Variants in CREB5 observed in about 807,000 individuals in gnomAD.
The protein encoded by CREB5 is cAMP responsive element binding protein 5.
CREB5 carries 19 observed loss-of-function variants against 57.1 expected under a neutral mutation model. The ratio of observed to expected loss-of-function variants is 0.33; its 90% CI spans 0.23 to 0.49. CREB5 has a LOEUF of 0.49. CREB5 is among the 20% of genes least tolerant of loss of function. The pLI, the probability that CREB5 is intolerant of heterozygous loss-of-function variation, is 0.99. For missense variants in CREB5, 579 were observed against 671.6 expected (o/e 0.86, Z 1.52); for synonymous variants, 238 against 238.3 (o/e 1.00, Z 0.01).
intron 1 of CREB5, among the ~76,000 whole-genome samples, chr7:28,464,917 T>C (rs1660546218): frequency 6.6e-6 from 1 of 152,212 alleles, no homozygotes; most frequent in African/African-American, 2.4e-5. Context: ...AAGTTCTATG[T>C]TATTCTGGAA....
intron 1 of CREB5, among the ~76,000 whole-genome samples, chr7:28,459,343 A>G (rs1790249916): frequency 1.3e-5 from 2 of 152,200 alleles, no homozygotes; most frequent in Non-Finnish European, 2.9e-5. Context: ...CTGGGTTGGA[A>G]GAGTGGGAAA....
chr7:28,539,523 GT>G (rs1794117127), intron 4 of CREB5, among the ~76,000 whole-genome samples: 1 of 152,198 alleles, frequency 6.6e-6, no homozygotes, highest in Non-Finnish European at 1.5e-5. Flanking sequence ...GCAACAGCCT[GT>G]TATCTGGTTC....
intron 7 of CREB5, among the ~76,000 whole-genome samples, chr7:28,801,180 A>T (rs146610166): frequency 9.8e-4 from 150 of 152,368 alleles, no homozygotes; most frequent in East Asian, 8.5e-3. Context: ...TGTGCAAAGC[A>T]AATGTCTGAG....
intron 5 of CREB5, among the ~76,000 whole-genome samples, chr7:28,637,978 G>A (rs1228082733): frequency 1.3e-5 from 2 of 152,108 alleles, no homozygotes; most frequent in Non-Finnish European, 2.9e-5. Context: ...GCTTGACATC[G>A]TTTTTGGTGA....
chr7:28,453,991 T>C (rs1280786436), intron 1 of CREB5, among the ~76,000 whole-genome samples: 1 of 149,552 alleles, frequency 6.7e-6, no homozygotes, highest in African/African-American at 2.5e-5. Context: ...TCTCGCTCTG[T>C]CGCCCAGGCT....
chr7:28,684,685 A>G (rs1024309884), intron 5 of CREB5, among the ~76,000 whole-genome samples: 3 of 152,208 alleles, frequency 2.0e-5, no homozygotes, highest in Admixed American at 6.5e-5. Flanking sequence ...TTCATTGGCC[A>G]CAAAAGGCAT....
At chr7:28,649,902 T>C (rs1420836186) in intron 5 of CREB5, among the ~76,000 whole-genome samples, 2 of 152,224 alleles carry the variant, frequency 1.3e-5, no homozygotes, top group African/African-American at 2.4e-5. Context: ...AGTTGATTAC[T>C]AGAAAACACT....
intron 5 of CREB5, among the ~76,000 whole-genome samples, chr7:28,610,628 C>T (rs1464580221): frequency 6.6e-6 from 1 of 152,092 alleles, no homozygotes; most frequent in African/African-American, 2.4e-5. Context: ...AAATGGATGG[C>T]TGAGCTGCTA....
chr7:28,370,457 G>T (rs964033463), intron 1 of CREB5, among the ~76,000 whole-genome samples: 1 of 152,122 alleles, frequency 6.6e-6, no homozygotes, highest in East Asian at 1.9e-4. Flanking sequence ...TAAAAGTGAC[G>T]TTCTGGTTCA....
In CREB5 at chr7:28,669,336, G is replaced by C. The variant is rs1583512036; in HGVS notation, c.465-49417G>C. ...TACTTTGATTTGTTAGCAATTGAGA[G>C]CTTGTGTTTTGAGCAAGGGAATAAA... On this transcript the variant is annotated intron_variant, in intron 5 of 10. Transcript: ENST00000357727. 2.0e-5 allele frequency among the ~76,000 whole-genome samples: 3 copies of C among 152,326 alleles called. 1 individual carries two copies.
chr7:28,372,250 G>A (rs1440842763), intron 1 of CREB5, among the ~76,000 whole-genome samples: 1 of 152,176 alleles, frequency 6.6e-6, no homozygotes, highest in African/African-American at 2.4e-5. Flanking sequence ...GTAAAATGCA[G>A]CAAGTAATAT....
chr7:28,765,675 A>G (rs1204367780), intron 7 of CREB5, among the ~76,000 whole-genome samples: 3 of 152,264 alleles, frequency 2.0e-5, no homozygotes, highest in Non-Finnish European at 4.4e-5. Context: ...ATGGCTGCAG[A>G]GAAGAAATCT....
intron 3 of CREB5, 130 bp from the exon 4 acceptor site, chr7:28,507,486 G>T: frequency 9.2e-7 from 1 of 1,087,064 alleles, no homozygotes; most frequent in Admixed American, 2.4e-5. Flanking sequence ...TATTTAAAGG[G>T]CCAAGAGACT....
rs533378530 is a variant in CREB5 at position 28,795,209 on chromosome 7, G to A, written c.703-8990G>A. On this transcript the variant is annotated intron_variant, in intron 7 of 10. Transcript: ENST00000357727. ...ACACCCTTCTGTTACATATATGTTA[G>A]CCCCAAGCTATATCTCCTCTAAGCT... Among the ~76,000 whole-genome samples the A allele has an allele frequency of 2.0e-5, 3 of 152,262 alleles. No homozygotes were observed. In the South Asian group the frequency reaches 6.2e-4, roughly 32 times the overall value.
chr7:28,309,442 C>T (rs1785239100), intron 1 of CREB5, among the ~76,000 whole-genome samples: 1 of 152,140 alleles, frequency 6.6e-6, no homozygotes, highest in Non-Finnish European at 1.5e-5. Flanking sequence ...CTGGCACATG[C>T]TTCTGATTTG....
At chr7:28,393,958 C>G (rs906773748) in intron 1 of CREB5, among the ~76,000 whole-genome samples, 30 of 151,346 alleles carry the variant, frequency 2.0e-4, no homozygotes, top group African/African-American at 6.8e-4. Context: ...ACCTGTAGTC[C>G]CAGTTACTGG....
intron 1 of CREB5, among the ~76,000 whole-genome samples, chr7:28,313,302 T>A (rs1226978567): frequency 6.6e-6 from 1 of 152,244 alleles, no homozygotes; most frequent in Admixed American, 6.5e-5. Context: ...ACACACTTAA[T>A]CTGATGGAAA....
At chr7:28,744,501 C>T (rs1164337806) in intron 7 of CREB5, among the ~76,000 whole-genome samples, 6 of 151,952 alleles carry the variant, frequency 3.9e-5, no homozygotes, top group Non-Finnish European at 8.8e-5. Flanking sequence ...GTACACACCA[C>T]CACGCCCTGC....
At chr7:28,437,172 T>G (rs939862624) in intron 1 of CREB5, among the ~76,000 whole-genome samples, 49 of 152,152 alleles carry the variant, frequency 3.2e-4, no homozygotes, top group Non-Finnish European at 1.6e-4. Flanking sequence ...TGTTTGTGCA[T>G]GTTGAGAAAA....
Sources: gnomAD v4.1 joint callset for allele counts (sites outside exome capture counted in the v4.1 genomes callset) on GRCh38, gnomAD v4.1.1 for gene constraint, MANE v1.5 for transcripts, NCBI Gene and HGNC (gene_info 2026-07-23, HGNC 2026-07-21) for gene names.